Variants in MYB observed in about 807,000 individuals in gnomAD.
MYB encodes MYB proto-oncogene, transcription factor.
Under a neutral mutation model 92.9 loss-of-function variants are expected in MYB, and 28 were observed. The observed-to-expected ratio is 0.30, with a 90% CI of 0.22 to 0.41. The LOEUF (loss-of-function observed/expected upper bound fraction) is 0.41. MYB is among the 10% of genes least tolerant of loss of function. The pLI is 1.00. For synonymous variants in MYB, 295 were observed against 329.1 expected, an observed-to-expected ratio of 0.90 and a Z score of 1.12; for missense variants, 679 against 929.3, an observed-to-expected ratio of 0.73 and a Z score of 3.50.
chr6:135,212,484 T>C (rs1383738413), intron 15 of MYB, among the ~76,000 whole-genome samples: 1 of 152,136 alleles, frequency 6.6e-6, no homozygotes, highest in Non-Finnish European at 1.5e-5. Context: ...TTTTATTTCT[T>C]CTGTTTTCTA....
chr6:135,214,333 A>C (rs1780145369), intron 15 of MYB, among the ~76,000 whole-genome samples: 1 of 149,524 alleles, frequency 6.7e-6, no homozygotes, highest in African/African-American at 2.5e-5. Context: ...GCTAAATAGA[A>C]AAAAAAAAAT....
intron 9 of MYB, 176 bp from the exon 10 acceptor site, chr6:135,196,785 T>G (rs1383532835): frequency 1.9e-6 from 3 of 1,548,546 alleles, no homozygotes; most frequent in Admixed American, 1.9e-5. Context: ...GGCAGCCCAC[T>G]AGACCCTGCT....
chr6:135,192,615 TA>T, intron 6 of MYB, 57 bp downstream of exon 6: 2 of 1,505,704 alleles, frequency 1.3e-6, no homozygotes, highest in Non-Finnish European at 1.8e-6. Flanking sequence ...TAGCTCCAGG[TA>T]ATAATCATAC....
intron 15 of MYB, 158 bp downstream of exon 15, chr6:135,203,482 T>C: frequency 1.5e-6 from 1 of 689,058 alleles, no homozygotes; most frequent in Non-Finnish European, 2.4e-6. Flanking sequence ...CAATTCTTGA[T>C]GTCTAGAAAA....
chr6:135,193,886 A>G lies in MYB; in HGVS notation c.811A>G (p.Asn271Asp). ...YPVALHVNIV[N>D]VPQPAAAAIQ... ...TGTAGCGTTACATGTAAATATAGTC[A>G]ATGTCCCTCAGCCAGCTGCCGCAGC... Residue 271 changes from asparagine to aspartate, a missense_variant, in exon 7 of 16, where the codon AAT becomes GAT. Transcript: ENST00000341911. 2.5e-6 allele frequency: 4 copies of G among 1,613,136 alleles called. No homozygotes were observed. Among genetic ancestry groups the G allele is most frequent in the Non-Finnish European group, 3.4e-6 (4 of 1,179,116 alleles).
Position 135,190,121 on chromosome 6 carries a change from C to G in MYB, c.307-6C>G. The G allele has an allele frequency of 6.2e-7, 1 of 1,612,966 alleles. No homozygotes were observed. The highest frequency in any genetic ancestry group is 1.1e-5 in the South Asian group (1 of 91,004). On this transcript the variant is annotated splice_region_variant and splice_polypyrimidine_tract_variant and intron_variant, in intron 4 of 15. Coordinates refer to ENST00000341911, the MANE Select transcript of MYB (RefSeq NM_001130173.2). The surrounding 1 kb of genome is among the most constrained non-coding windows in gnomAD (Gnocchi z 4.5). The stretch of plus-strand genomic sequence containing the variant: ...ACATAGGTTATTTTTGTGTGTTTAT[C>G]TGAAGGTGATAGAGCTTGTACAGAA...
chr6:135,196,971 C>T lies in MYB; in HGVS notation c.1214C>T (p.Ser405Leu). Residue 405 changes from serine to leucine, a missense_variant, in exon 10 of 16, where the codon TCA (serine) becomes TTA (leucine). By Grantham distance (145) the Ser-to-Leu change is moderately radical (BLOSUM62 -2). This residue lies in a region of MYB where 402 missense variants were observed against 434.2 expected (regional missense o/e 0.93). Coordinates refer to ENST00000341911, the MANE Select transcript of MYB (RefSeq NM_001130173.2). ...TLQFIDSDSS[S>L]WCDLSSFEFF... ...CCCACATTGTTTCAGGATTCTTCAT[C>T]ATGGTGTGATCTCAGCAGTTTTGAA... 1.2e-6 allele frequency: 2 copies of T among 1,612,690 alleles called. No homozygotes were observed. The highest frequency in any genetic ancestry group is 1.7e-6 in the Non-Finnish European group (2 of 1,179,346).
At chr6:135,208,148 G>A (rs1320836121) in intron 15 of MYB, among the ~76,000 whole-genome samples, 8 of 144,200 alleles carry the variant, frequency 5.5e-5, no homozygotes, top group Non-Finnish European at 1.0e-4. Context: ...GCATGATCTC[G>A]GCTCACTGCA....
At chr6:135,188,887 C>T (rs144757415) in intron 3 of MYB, among the ~76,000 whole-genome samples, 2 of 152,258 alleles carry the variant, frequency 1.3e-5, no homozygotes, top group Non-Finnish European at 2.9e-5. Context: ...CTTATCTTTT[C>T]AAAACCAACC....
chr6:135,200,275 C>CTA lies in MYB; in HGVS notation c.1825-15_1825-14insTA, dbSNP rs1395099359. 1 of 1,613,700 alleles carries CTA rather than the reference C, an allele frequency of 6.2e-7. No homozygotes were observed. On this transcript the variant is annotated splice_polypyrimidine_tract_variant and intron_variant, in intron 12 of 15. Transcript: ENST00000341911. ...GAGTTCTCTCTGATGCAAAAATACC[C>CTA]ACTCTTCCGTTTAGCCTCAGACACC... is the stretch of plus-strand genomic sequence containing the variant.
intron 3 of MYB, among the ~76,000 whole-genome samples, chr6:135,188,741 C>T (rs1026854740): frequency 6.6e-6 from 1 of 152,082 alleles, no homozygotes; most frequent in Non-Finnish European, 1.5e-5. Flanking sequence ...AACTCCTGAC[C>T]TCAAGTGATC....
chr6:135,195,688 A>G, intron 8 of MYB, 60 bp from the exon 9 acceptor site: 1 of 1,573,298 alleles, frequency 6.4e-7, no homozygotes, highest in Non-Finnish European at 8.7e-7. Context: ...CTTCATTGCT[A>G]AGTTCCTTCT....
chr6:135,201,914 A>G (rs1778151626), intron 14 of MYB, among the ~76,000 whole-genome samples, 165 bp downstream of exon 14: 1 of 152,212 alleles, frequency 6.6e-6, no homozygotes, highest in South Asian at 2.1e-4. Context: ...ATTAATGTAG[A>G]GTATAAAGTT....
rs776365497 is a variant in MYB at position 135,217,969 on chromosome 6, C to G, written c.2275C>G (p.Leu759Val). 56 of 1,605,484 alleles carry G rather than the reference C, an allele frequency of 3.5e-5. No homozygotes were observed. The East Asian group carries it at 4.9e-4, about 14-fold the overall frequency. ...CGTGAATGCATTCTCAGCCCGGACG[C>G]TGGTCATGTGAGACATTTCCAGAAA... ...KYVNAFSART[L>V]VM Residue 759 changes from leucine (L) to valine (V), a missense_variant, in exon 16 of 16, where the codon CTG becomes GTG. Transcript: ENST00000341911.
intron 15 of MYB, 110 bp downstream of exon 15, chr6:135,203,434 T>C: frequency 1.2e-6 from 1 of 865,090 alleles, no homozygotes. Flanking sequence ...TGTTTTTCGT[T>C]TTCAACATTT....
At position 135,190,219 on chromosome 6, in the gene MYB, G is replaced by A. The variant is rs749880007; in HGVS notation, c.399G>A (p.Arg133=). Residue 133 remains arginine (R), a synonymous_variant, in exon 5 of 16, where the codon AGG becomes AGA. Coordinates refer to ENST00000341911, the MANE Select transcript of MYB (RefSeq NM_001130173.2). This position sits in a 1 kb window ranked among gnomAD's most constrained non-coding sequence, Gnocchi z 4.5. ...GAATTGGAAAACAATGTAGGGAGAG[G>A]TGGCATAACCACTTGAATCCAGAAG... ...KGRIGKQCRE[R]WHNHLNPEVK... 3.7e-6 allele frequency: 6 copies of A among 1,614,158 alleles called. No homozygotes were observed. Among genetic ancestry groups the A allele is most frequent in the Non-Finnish European group, 5.1e-6 (6 of 1,180,022 alleles).
At chr6:135,206,218 AAAAAAAAAAT>A (rs1163368279) in intron 15 of MYB, among the ~76,000 whole-genome samples, 9 of 144,596 alleles carry the variant, frequency 6.2e-5, no homozygotes, top group African/African-American at 2.3e-4. Context: ...AAAAAAAAAA[AAAAAAAAAAT>A]AATAATAATA....
chr6:135,214,755 A>G (rs1267404973), intron 15 of MYB, among the ~76,000 whole-genome samples: 1 of 152,206 alleles, frequency 6.6e-6, no homozygotes, highest in Non-Finnish European at 1.5e-5. Context: ...TTGTTTTTTA[A>G]TTGGTTTCCT....
At position 135,218,001 on chromosome 6, in the gene MYB, A is replaced by T; in HGVS notation, c.*21A>T. On this transcript the variant is annotated 3_prime_UTR_variant, in exon 16 of 16. Transcript: ENST00000341911. Reference sequence around the variant, plus strand: ...TGTGAGACATTTCCAGAAAAGCATTATGGTTTTCAGAACACTTCAAGTTGA... The same window carrying T: ...TGTGAGACATTTCCAGAAAAGCATTTTGGTTTTCAGAACACTTCAAGTTGA... 3.2e-6 allele frequency: 5 copies of T among 1,548,258 alleles called. No individual in the cohort carries two copies. The highest frequency in any genetic ancestry group is 3.6e-6 in the Non-Finnish European group (4 of 1,120,092).
Sources: allele counts gnomAD v4.1 joint callset (sites outside exome capture counted in the v4.1 genomes callset), GRCh38; gene constraint gnomAD v4.1.1; regional missense constraint gnomAD v4.1.1; non-coding constraint Gnocchi (gnomAD v3.1); transcripts MANE v1.5; gene names NCBI Gene and HGNC (gene_info 2026-07-23, HGNC 2026-07-21).